BASP1: variants seen among roughly 807,000 people sequenced by gnomAD.
The protein encoded by BASP1 is brain acid soluble protein 1.
A neutral mutation model predicts 2.2 loss-of-function variants in BASP1; 1 was observed. That is an observed-to-expected ratio of 0.46 (90% CI 0.16 to 2.17). The LOEUF (loss-of-function observed/expected upper bound fraction) is 2.17, where lower values mean the gene tolerates loss of function less well. Among genes scored for constraint, BASP1 ranks in the 30% most tolerant of loss-of-function variants. The pLI is 0.27. For missense variants in BASP1, 352 were observed against 327.2 expected (o/e 1.08, Z -0.58); for synonymous variants, 187 against 154.2 (o/e 1.21, Z -1.58).
At chr5:17,258,028 A>G (rs1371947074) in intron 1 of BASP1, among the ~76,000 whole-genome samples, 1 of 152,140 alleles carries the variant, frequency 6.6e-6, no homozygotes, top group Non-Finnish European at 1.5e-5. Flanking sequence ...GGCTGCTTAT[A>G]TCTTGCCTCC....
At chr5:17,219,601 C>A (rs1280924905) in intron 1 of BASP1, among the ~76,000 whole-genome samples, 1 of 152,146 alleles carries the variant, frequency 6.6e-6, no homozygotes, top group Non-Finnish European at 1.5e-5. Context: ...TTTGACAGAT[C>A]TTTTTTGGTC....
chr5:17,267,480 T>G (rs542919762), intron 1 of BASP1, among the ~76,000 whole-genome samples: 1 of 152,268 alleles, frequency 6.6e-6, no homozygotes, highest in Admixed American at 6.5e-5. Context: ...AATAAATATT[T>G]GGATGTCATT....
At chr5:17,266,776 C>T (rs1367526063) in intron 1 of BASP1, among the ~76,000 whole-genome samples, 3 of 146,254 alleles carry the variant, frequency 2.1e-5, no homozygotes, top group African/African-American at 7.7e-5. Flanking sequence ...CGCGCCACTG[C>T]GCTCCAGCCT....
chr5:17,240,457 A>C (rs1739839673), intron 1 of BASP1, among the ~76,000 whole-genome samples: 1 of 152,168 alleles, frequency 6.6e-6, no homozygotes, highest in Admixed American at 6.5e-5. Flanking sequence ...AATCACTTGA[A>C]TCTGGGAGGC....
chr5:17,228,045 CTT>C (rs1411165998), intron 1 of BASP1, among the ~76,000 whole-genome samples: 4 of 152,180 alleles, frequency 2.6e-5, no homozygotes, highest in African/African-American at 9.6e-5. Context: ...GTATGTGTTT[CTT>C]TTTCTGACTC....
At chr5:17,222,312 T>G (rs1297190655) in intron 1 of BASP1, among the ~76,000 whole-genome samples, 1 of 152,192 alleles carries the variant, frequency 6.6e-6, no homozygotes, top group Non-Finnish European at 1.5e-5. Context: ...TCCCCAGGTC[T>G]GCTTATACTT....
intron 1 of BASP1, among the ~76,000 whole-genome samples, chr5:17,262,025 A>G (rs1047335135): frequency 3.3e-5 from 5 of 152,146 alleles, no homozygotes; most frequent in African/African-American, 1.2e-4. Flanking sequence ...TTTTTGTAGC[A>G]GCATATGCCT....
rs907422087 is a variant in BASP1 at position 17,275,963 on chromosome 5, C to CTCTA, written c.*66_*67insATCT. ...CAATCTCCTCTCTCTCTCTCTCTCT[C>CTCTA]TCTCTCTATCTCTCTCTCTATCTCC... On this transcript the variant is annotated 3_prime_UTR_variant, in exon 2 of 2. Coordinates refer to ENST00000322611, the MANE Select transcript of BASP1 (RefSeq NM_006317.5). This position sits in a 1 kb window ranked among gnomAD's most constrained non-coding sequence, Gnocchi z 5.3. The CTCTA allele has an allele frequency of 1.5e-6, 2 of 1,336,344 alleles. No homozygotes were observed. Among genetic ancestry groups the CTCTA allele is most frequent in the African/African-American group, 3.0e-5 (2 of 65,980 alleles). The allele number at this position is 1,336,344 out of a possible 1,614,324, so 82.8% of individuals were successfully genotyped here.
Position 17,241,505 on chromosome 5 carries a change from C to T in BASP1, c.-10+23695C>T, listed in dbSNP as rs530945026. Among the ~76,000 whole-genome samples the T allele has an allele frequency of 3.7e-4, 57 of 152,300 alleles. 3 individuals carry two copies. Among genetic ancestry groups the T allele is most frequent in the South Asian group, 2.1e-4 (1 of 4,826 alleles). On this transcript the variant is annotated intron_variant, in intron 1 of 1. Coordinates refer to ENST00000322611, the MANE Select transcript of BASP1 (RefSeq NM_006317.5). ...GCACAGAGAAATTAATAATAGGTTA[C>T]GTAGCCAGTGTAACCCAGAACATCT...
intron 1 of BASP1, among the ~76,000 whole-genome samples, chr5:17,221,541 G>C (rs1464449621): frequency 1.3e-5 from 2 of 151,958 alleles, no homozygotes; most frequent in Non-Finnish European, 2.9e-5. Context: ...CTTAATGATG[G>C]TCTTAGCTGG....
rs1041703390 is a variant in BASP1, at chr5:17,251,565, A to G, written c.-9-23643A>G. 5.3e-5 allele frequency among the ~76,000 whole-genome samples: 8 copies of G among 152,226 alleles called. No homozygotes were observed. The highest frequency in any genetic ancestry group is 1.9e-4 in the African/African-American group (8 of 41,470). ...TCTTTGTCTAGCAGCAGGAGGAGGT[A>G]GGGAAGAACAAAAGCTTTCTCAGAA... On this transcript the variant is annotated intron_variant, in intron 1 of 1. Coordinates refer to ENST00000322611, the MANE Select transcript of BASP1 (RefSeq NM_006317.5). This position sits in a 1 kb window ranked among gnomAD's most constrained non-coding sequence, Gnocchi z 4.0.
intron 1 of BASP1, among the ~76,000 whole-genome samples, 198 bp downstream of exon 1, chr5:17,218,008 G>C (rs1739298843): frequency 6.6e-6 from 1 of 151,932 alleles, no homozygotes; most frequent in East Asian, 2.0e-4. Flanking sequence ...CCGGGTGATG[G>C]GGGGCCCAGA....
At position 17,275,821 on chromosome 5, in the gene BASP1, C is replaced by T. The variant is rs764889875; in HGVS notation, c.605C>T (p.Pro202Leu). Residue 202 changes from proline to leucine, a missense_variant, in exon 2 of 2, where the codon CCC becomes CTC. Coordinates refer to ENST00000322611, the MANE Select transcript of BASP1 (RefSeq NM_006317.5). The surrounding 1 kb of genome is among the most constrained non-coding windows in gnomAD (Gnocchi z 5.3). The stretch of plus-strand genomic sequence containing the variant: ...AGTTCCACACCCAAGGCCCAGGGCC[C>T]CGCAGCCTCTGCAGAAGAGCCCAAG... ...APSSTPKAQG[P>L]AASAEEPKPV... is the part of the protein sequence containing the mutation. 3 of 1,612,046 alleles carry T rather than the reference C, an allele frequency of 1.9e-6. No individual in the cohort carries two copies. The highest frequency in any genetic ancestry group is 1.7e-4 in the Middle Eastern group (1 of 6,044).
intron 1 of BASP1, among the ~76,000 whole-genome samples, chr5:17,254,987 A>G (rs2937187): frequency 6.6e-6 from 1 of 152,002 alleles, no homozygotes; most frequent in Non-Finnish European, 1.5e-5. Context: ...GATAATTTCA[A>G]TTCACCCTCT....
chr5:17,237,817 G>T (rs964931668), intron 1 of BASP1, among the ~76,000 whole-genome samples: 1 of 151,850 alleles, frequency 6.6e-6, no homozygotes, highest in Non-Finnish European at 1.5e-5. Flanking sequence ...CACCATGTTG[G>T]CCAGGCTTGT....
At position 17,275,556 on chromosome 5, in the gene BASP1, G is replaced by C. The variant is rs1217149957; in HGVS notation, c.340G>C (p.Ala114Pro). The C allele has an allele frequency of 2.2e-6, 3 of 1,394,068 alleles. No homozygotes were observed. In the South Asian group the frequency reaches 4.9e-5, roughly 23 times the overall value. The allele number at this position is 1,394,068 out of a possible 1,614,324, so 86.4% of individuals were successfully genotyped here. ...GCAGGAGCAGGCGGCCCCCGGCCCC[G>C]CTGCGGGCGGCGAGGCCCCCAAAGC... ...PEQEQAAPGPAAGGEAPKAAE... is the reference protein window; with the variant it reads ...PEQEQAAPGPPAGGEAPKAAE... The change falls in exon 2 of 2, where the codon GCT becomes CCT. Residue 114 changes from alanine (A) to proline (P), a missense_variant. Ala to Pro is a conservative substitution (Grantham distance 27). Transcript: ENST00000322611. The surrounding 1 kb of genome is among the most constrained non-coding windows in gnomAD (Gnocchi z 5.3).
chr5:17,237,088 G>A (rs1739762460), intron 1 of BASP1, among the ~76,000 whole-genome samples: 1 of 152,144 alleles, frequency 6.6e-6, no homozygotes, highest in Non-Finnish European at 1.5e-5. Flanking sequence ...GCTCACGCCT[G>A]TAATTGCAGC....
chr5:17,246,025 T>G (rs991080341), intron 1 of BASP1, among the ~76,000 whole-genome samples: 1 of 152,118 alleles, frequency 6.6e-6, no homozygotes, highest in Non-Finnish European at 1.5e-5. Flanking sequence ...CACGGTTAGA[T>G]GTTTTCTAGA....
intron 1 of BASP1, among the ~76,000 whole-genome samples, chr5:17,271,219 A>G (rs1209798709): frequency 6.6e-6 from 1 of 152,040 alleles, no homozygotes; most frequent in Non-Finnish European, 1.5e-5. Context: ...GCTCACTGCA[A>G]CCTCTGCCTC....
Sources: allele counts gnomAD v4.1 joint callset (sites outside exome capture counted in the v4.1 genomes callset), GRCh38; gene constraint gnomAD v4.1.1; non-coding constraint Gnocchi (gnomAD v3.1); transcripts MANE v1.5; gene names NCBI Gene and HGNC (gene_info 2026-07-23, HGNC 2026-07-21).